SEMA5B: variants seen among roughly 807,000 people sequenced by gnomAD.
SEMA5B encodes the protein semaphorin-5B.
A neutral mutation model predicts 135.0 loss-of-function variants in SEMA5B; 66 were observed. The observed-to-expected ratio is 0.49, with a 90% CI of 0.40 to 0.60. SEMA5B has a LOEUF of 0.60. SEMA5B is among the 20% of genes least tolerant of loss of function. The pLI is 0.00. For missense variants in SEMA5B, 1,501 were observed against 1,566.3 expected, an observed-to-expected ratio of 0.96 and a Z score of 0.70; for synonymous variants, 690 against 639.5, an observed-to-expected ratio of 1.08 and a Z score of -1.19.
chr3:122,925,898 G>A (rs1015980469), intron 9 of SEMA5B, among the ~76,000 whole-genome samples: 4 of 152,012 alleles, frequency 2.6e-5, no homozygotes, highest in Admixed American at 6.5e-5. Flanking sequence ...AGGGTTACTC[G>A]TCCTCACACC....
chr3:122,998,523 G>C (rs1325930519), intron 1 of SEMA5B, among the ~76,000 whole-genome samples: 2 of 152,208 alleles, frequency 1.3e-5, no homozygotes, highest in Admixed American at 6.5e-5. Context: ...AACGTGTTCT[G>C]GAAATGGACG....
intron 9 of SEMA5B, among the ~76,000 whole-genome samples, chr3:122,925,408 C>T (rs1217087164): frequency 1.3e-5 from 2 of 152,086 alleles, no homozygotes; most frequent in Admixed American, 1.3e-4. Flanking sequence ...GTGGCTCACA[C>T]CTGTAATCCC....
intron 5 of SEMA5B, among the ~76,000 whole-genome samples, chr3:122,930,335 T>C (rs1938902776): frequency 6.6e-6 from 1 of 152,232 alleles, no homozygotes; most frequent in South Asian, 2.1e-4. Context: ...CCCAGGCTTC[T>C]GTGTCTCCCA....
chr3:122,921,887 C>A, intron 12 of SEMA5B, 28 bp downstream of exon 12: 1 of 1,516,706 alleles, frequency 6.6e-7, no homozygotes, highest in Non-Finnish European at 8.8e-7. Context: ...GCAGTGGAGG[C>A]CTCGGGAGCC....
At chr3:122,978,332 C>T (rs1260600097) in intron 1 of SEMA5B, among the ~76,000 whole-genome samples, 2 of 152,248 alleles carry the variant, frequency 1.3e-5, no homozygotes, top group Non-Finnish European at 2.9e-5. Flanking sequence ...GAACCACTCA[C>T]TGAGCTGGGG....
intron 5 of SEMA5B, among the ~76,000 whole-genome samples, chr3:122,936,783 T>G (rs1467596246): frequency 6.6e-6 from 1 of 152,038 alleles, no homozygotes; most frequent in Non-Finnish European, 1.5e-5. Flanking sequence ...TTTCCCCCAC[T>G]CCTCCACCTC....
intron 1 of SEMA5B, among the ~76,000 whole-genome samples, chr3:122,968,751 T>C (rs1418141584): frequency 6.6e-6 from 1 of 152,156 alleles, no homozygotes; most frequent in Non-Finnish European, 1.5e-5. Context: ...CCACATCTCT[T>C]GGTGACCTCA....
intron 22 of SEMA5B, among the ~76,000 whole-genome samples, chr3:122,910,612 A>G (rs1212674041): frequency 2.0e-5 from 3 of 151,964 alleles, no homozygotes; most frequent in Admixed American, 6.6e-5. Context: ...GATCGAGACC[A>G]TCCCGGCTAA....
chr3:122,951,993 C>T (rs556230798), intron 2 of SEMA5B, among the ~76,000 whole-genome samples: 30 of 152,188 alleles, frequency 2.0e-4, no homozygotes, highest in African/African-American at 1.4e-4. Flanking sequence ...AATAACAGCA[C>T]GAAGCCAGAG....
intron 1 of SEMA5B, among the ~76,000 whole-genome samples, chr3:122,977,019 C>T (rs957205212): frequency 6.6e-6 from 1 of 152,166 alleles, no homozygotes; most frequent in Admixed American, 6.5e-5. Context: ...CACTGTACTC[C>T]AGCCTGGGCA....
At chr3:123,007,203 G>A (rs1942336887) in intron 1 of SEMA5B, among the ~76,000 whole-genome samples, 1 of 152,186 alleles carries the variant, frequency 6.6e-6, no homozygotes, top group Admixed American at 6.5e-5. Flanking sequence ...CCCACTCAGT[G>A]TTAGGGCTGT....
At chr3:122,923,873 T>A in intron 9 of SEMA5B, 121 bp from the exon 10 acceptor site, 1 of 1,011,596 alleles carries the variant, frequency 9.9e-7, no homozygotes, top group Non-Finnish European at 1.5e-6. Flanking sequence ...ATGATGTGTC[T>A]GGCACATGGG....
intron 1 of SEMA5B, among the ~76,000 whole-genome samples, chr3:122,989,319 T>C (rs931563365): frequency 2.6e-5 from 4 of 152,116 alleles, no homozygotes; most frequent in African/African-American, 7.2e-5. Context: ...TGAGCTGGGG[T>C]CTGCTGCCTG....
In SEMA5B at chr3:122,926,485, C is replaced by G; in HGVS notation, c.1043G>C (p.Arg348Pro). 6.2e-7 allele frequency: 1 copy of G among 1,614,216 alleles called. No homozygotes were observed. Reference sequence around the variant, plus strand: ...ATAGTAGAAGGGGACCTCGCCCGGGCGGGAGCAGTTGAGCCGGGCCTTCAT... The same window carrying G: ...ATAGTAGAAGGGGACCTCGCCCGGGGGGGAGCAGTTGAGCCGGGCCTTCAT... ...TFMKARLNCS[R>P]PGEVPFYYNE... is the part of the protein sequence containing the mutation. Residue 348 changes from arginine to proline, a missense_variant, in exon 9 of 23, where the codon CGC (arginine) becomes CCC (proline). Physicochemically the swap from Arg to Pro is moderately radical, Grantham distance 103 (BLOSUM62 -2). Transcript: ENST00000357599.
intron 1 of SEMA5B, chr3:122,993,209 C>T (rs1941930227): frequency 6.6e-6 from 1 of 152,286 alleles, no homozygotes; most frequent in Admixed American, 6.5e-5. Flanking sequence ...GGCAGCCTGC[C>T]CCCGAGCATC....
chr3:123,003,267 A>T lies in SEMA5B; in HGVS notation c.-39+24197T>A, dbSNP rs113801711. On this transcript the variant is annotated intron_variant, in intron 1 of 22. Transcript: ENST00000357599. ...TGGAGAAACCGAAACACAGTAAAAA[A>T]GTGCCCCCACTAAAACCTCAGGCTT... Among the ~76,000 whole-genome samples the T allele has an allele frequency of 2.5e-3, 376 of 152,332 alleles. 4 individuals are homozygous for T. Among genetic ancestry groups the T allele is most frequent in the African/African-American group, 8.6e-3 (357 of 41,578 alleles).
chr3:122,943,113 C>T (rs1939633205), intron 4 of SEMA5B, among the ~76,000 whole-genome samples: 1 of 152,174 alleles, frequency 6.6e-6, no homozygotes, highest in African/African-American at 2.4e-5. Flanking sequence ...GGGAATTGGC[C>T]CAGAAAACCA....
intron 5 of SEMA5B, among the ~76,000 whole-genome samples, chr3:122,932,243 ATTTTTTTTTTTTT>A (rs71136597): frequency 2.3e-5 from 2 of 85,392 alleles, no homozygotes; most frequent in South Asian, 5.6e-4. Flanking sequence ...TCTCAATATG[ATTTTTTTTTTTTT>A]TTTTTTTTTT....
At chr3:122,983,590 C>A (rs955980620) in intron 1 of SEMA5B, among the ~76,000 whole-genome samples, 1 of 151,696 alleles carries the variant, frequency 6.6e-6, no homozygotes, top group Non-Finnish European at 1.5e-5. Flanking sequence ...AAAGAGCTGG[C>A]GCCTGTAGTC....
Sources: allele counts gnomAD v4.1 joint callset (sites outside exome capture counted in the v4.1 genomes callset), GRCh38; gene constraint gnomAD v4.1.1; transcripts MANE v1.5; gene names NCBI Gene and HGNC (gene_info 2026-07-23, HGNC 2026-07-21).